The following ENTPD4 variants were observed in gnomAD, a reference collection of about 807,000 sequenced individuals.
ENTPD4 encodes ectonucleoside triphosphate diphosphohydrolase 4.
ENTPD4 carries 60 observed loss-of-function variants against 79.1 expected under a neutral mutation model. That is an observed-to-expected ratio of 0.76 (90% confidence interval 0.62 to 0.94). ENTPD4 has a LOEUF of 0.94. ENTPD4 is among the 40% of genes least tolerant of loss of function. The probability of loss-of-function intolerance (pLI) is 0.00; values close to 1 mark genes in which losing one functional copy is unlikely to be tolerated. For missense variants in ENTPD4, 772 were observed against 775.1 expected (o/e 1.00, Z 0.05); for synonymous variants, 276 against 292.0 (o/e 0.95, Z 0.56).
chr8:23,444,203 C>A (rs77027346), intron 5 of ENTPD4, among the ~76,000 whole-genome samples: 2 of 152,136 alleles, frequency 1.3e-5, no homozygotes, highest in African/African-American at 4.8e-5. Flanking sequence ...TCCTTAACTA[C>A]GTAAAATAGA....
intron 9 of ENTPD4, 38 bp from the exon 10 acceptor site, chr8:23,437,296 GAA>G (rs1563223047): frequency 6.7e-7 from 1 of 1,494,862 alleles, no homozygotes; most frequent in East Asian, 2.3e-5. Flanking sequence ...GAGTCCTACA[GAA>G]AACTGTGTTT....
intron 4 of ENTPD4, 71 bp downstream of exon 4, chr8:23,447,609 C>A: frequency 8.1e-7 from 1 of 1,227,080 alleles, no homozygotes; most frequent in Non-Finnish European, 1.2e-6. Flanking sequence ...AGAAAGGGAA[C>A]GATATGAAAG....
intron 6 of ENTPD4, among the ~76,000 whole-genome samples, chr8:23,443,307 T>A (rs971581870): frequency 3.3e-5 from 5 of 152,246 alleles, no homozygotes; most frequent in African/African-American, 1.2e-4. Flanking sequence ...TGTGTAAATT[T>A]CACCCCATTT....
Position 23,432,979 on chromosome 8 carries a change from C to A in ENTPD4, c.1798G>T (p.Ala600Ser). 2 of 1,612,986 alleles carry A rather than the reference C, an allele frequency of 1.2e-6. No individual in the cohort carries two copies. Among genetic ancestry groups the A allele is most frequent in the Non-Finnish European group, 1.7e-6 (2 of 1,179,520 alleles). Residue 600 changes from alanine to serine, a missense_variant, in exon 13 of 13, where the codon GCC (alanine) becomes TCC (serine). Physicochemically the swap from Ala to Ser is moderately conservative, Grantham distance 99 (BLOSUM62 1). Coordinates refer to ENST00000358689, the MANE Select transcript of ENTPD4 (RefSeq NM_004901.5). ...GGAAGGCCCTCCTCCATCCAGAGGG[C>A]GGCGGCCGAGCTGCTCCGGGGAGTG... ...RRTPRSSSAA[A>S]LWMEEGLPAQ...
intron 1 of ENTPD4, among the ~76,000 whole-genome samples, chr8:23,455,596 T>A (rs968679166): frequency 1.3e-5 from 2 of 152,244 alleles, no homozygotes; most frequent in African/African-American, 4.8e-5. Flanking sequence ...TATTTTTCAA[T>A]ATAAAATCTT....
Position 23,432,728 on chromosome 8 carries a change from G to A in ENTPD4, c.*198C>T. ...TTAGCCAGGATGGTCTCGATCTCCT[G>A]ACCTCATGATCCGCCCGCCTCGGCC... On this transcript the variant is annotated 3_prime_UTR_variant, in exon 13 of 13. Coordinates refer to ENST00000358689, the MANE Select transcript of ENTPD4 (RefSeq NM_004901.5). The A allele has an allele frequency of 8.3e-7, 1 of 1,211,362 alleles. No individual in the cohort carries two copies. The highest frequency in any genetic ancestry group is 1.1e-6 in the Non-Finnish European group (1 of 908,950). 75.0% of individuals were successfully genotyped at this position (1,211,362 alleles called of 1,614,324 possible). A position where few individuals can be genotyped will look rare whatever the true frequency, so the allele number is the denominator to read the frequency against.
intron 2 of ENTPD4, 75 bp downstream of exon 2, chr8:23,449,818 G>T: frequency 1.5e-6 from 2 of 1,326,172 alleles, no homozygotes; most frequent in Non-Finnish European, 2.2e-6. Flanking sequence ...TTGCGATTTA[G>T]ATTTTTTTTC....
rs930731252 is a variant in ENTPD4 at position 23,431,513 on chromosome 8, T to C, written c.*1413A>G. The C allele has an allele frequency of 6.1e-6, 6 of 985,344 alleles. No homozygotes were observed. The African/African-American group carries it at 1.0e-4, about 17-fold the overall frequency. The allele number at this position is 985,344 out of a possible 1,614,324, so 61.0% of individuals were successfully genotyped here. The stretch of plus-strand genomic sequence containing the variant: ...CCTTTTTAGATTTTGGCTTAAATTG[T>C]CGAATTTTTTCCTTCAAAATGTGAA... On this transcript the variant is annotated 3_prime_UTR_variant, in exon 13 of 13. Transcript: ENST00000358689.
Position 23,444,583 on chromosome 8 carries a change from G to A in ENTPD4, c.436C>T (p.Pro146Ser), listed in dbSNP as rs1475166623. Residue 146 changes from proline (P) to serine (S), a missense_variant, in exon 5 of 13, where the codon CCA (proline) becomes TCA (serine). Transcript: ENST00000358689. ...GAAATGTAATCACTGACTTTCTCTG[G>A]AGAGGTAGCAAATTCTGAAATGCCT... is the stretch of plus-strand genomic sequence containing the variant. ...KPGISEFATS[P>S]EKVSDYISPL... The A allele has an allele frequency of 1.2e-6, 2 of 1,614,172 alleles. No homozygotes were observed. Among genetic ancestry groups the A allele is most frequent in the Non-Finnish European group, 1.7e-6 (2 of 1,179,998 alleles).
At chr8:23,451,255 G>A (rs1039645619) in intron 1 of ENTPD4, among the ~76,000 whole-genome samples, 11 of 151,894 alleles carry the variant, frequency 7.2e-5, no homozygotes, top group Admixed American at 2.6e-4. Flanking sequence ...CCCCTGACCC[G>A]GTGATCTGCC....
chr8:23,440,557 A>C (rs1800650722), intron 8 of ENTPD4, among the ~76,000 whole-genome samples: 1 of 152,174 alleles, frequency 6.6e-6, no homozygotes, highest in Non-Finnish European at 1.5e-5. Flanking sequence ...AGAGGGAAAA[A>C]CATGATTTTT....
At chr8:23,456,513 T>C (rs1214418522) in intron 1 of ENTPD4, among the ~76,000 whole-genome samples, 2 of 152,234 alleles carry the variant, frequency 1.3e-5, no homozygotes, top group African/African-American at 4.8e-5. Flanking sequence ...GTCTCCTTCC[T>C]AGACTATATC....
intron 12 of ENTPD4, among the ~76,000 whole-genome samples, chr8:23,433,774 T>C (rs1460728715): frequency 1.3e-5 from 2 of 152,234 alleles, no homozygotes; most frequent in Non-Finnish European, 2.9e-5. Flanking sequence ...TCATGTCCCA[T>C]TATGGTATCA....
rs574404418 is a variant in ENTPD4, at chr8:23,432,981, G to A, written c.1796C>T (p.Ala599Val). 1.9e-6 allele frequency: 3 copies of A among 1,613,462 alleles called. No individual in the cohort carries two copies. The highest frequency in any genetic ancestry group is 3.3e-5 in the Admixed American group (2 of 59,984). Residue 599 changes from alanine to valine, a missense_variant, in exon 13 of 13, where the codon GCC becomes GTC. By Grantham distance (64) the Ala-to-Val change is moderately conservative. Coordinates refer to ENST00000358689, the MANE Select transcript of ENTPD4 (RefSeq NM_004901.5). ...HRRTPRSSSA[A>V]ALWMEEGLPA... Reference sequence around the variant, plus strand: ...AAGGCCCTCCTCCATCCAGAGGGCGGCGGCCGAGCTGCTCCGGGGAGTGCG... The same window carrying A: ...AAGGCCCTCCTCCATCCAGAGGGCGACGGCCGAGCTGCTCCGGGGAGTGCG...
chr8:23,438,907 T>C (rs1334202561), intron 9 of ENTPD4, among the ~76,000 whole-genome samples: 1 of 152,160 alleles, frequency 6.6e-6, no homozygotes, highest in Non-Finnish European at 1.5e-5. Flanking sequence ...CCTTCACAGG[T>C]TTATTAAGAT....
At position 23,448,794 on chromosome 8, in the gene ENTPD4, C is replaced by A. The variant is rs759464953; in HGVS notation, c.154G>T (p.Val52Phe). 1 of 1,613,900 alleles carries A rather than the reference C, an allele frequency of 6.2e-7. No homozygotes were observed. The highest frequency in any genetic ancestry group is 1.3e-5 in the African/African-American group (1 of 74,866). The change falls in exon 3 of 13, where the codon GTC (valine) becomes TTC (phenylalanine). Residue 52 changes from valine to phenylalanine, a missense_variant. Physicochemically the swap from Val to Phe is conservative, Grantham distance 50 (BLOSUM62 -1). Coordinates refer to ENST00000358689, the MANE Select transcript of ENTPD4 (RefSeq NM_004901.5). ...CGCCCATACTTATTTCGGATTATGA[C>A]AACAGAAAAATATAAAAGTGAAACA... ...AAVSLLYFSV[V>F]IIRNKYGRLT...
chr8:23,432,854 G>A lies in ENTPD4; in HGVS notation c.*72C>T, dbSNP rs1432978565. ...AGGGAAAGAAAAAACAAAACCACAG[G>A]AAAATAAAGAGGAGAAACCCTGAGG... On this transcript the variant is annotated 3_prime_UTR_variant, in exon 13 of 13. Transcript: ENST00000358689. 3 of 1,466,906 alleles carry A rather than the reference G, an allele frequency of 2.0e-6. No individual in the cohort carries two copies. The highest frequency in any genetic ancestry group is 2.7e-6 in the Non-Finnish European group (3 of 1,107,648). The allele number at this position is 1,466,906 out of a possible 1,614,324, so 90.9% of individuals were successfully genotyped here.
At chr8:23,441,191 G>T (rs1800662215) in intron 8 of ENTPD4, among the ~76,000 whole-genome samples, 1 of 152,004 alleles carries the variant, frequency 6.6e-6, no homozygotes. Context: ...GAAGCTCAAA[G>T]TCTGAACCAT....
chr8:23,457,567 G>C lies in ENTPD4; in HGVS notation c.-108C>G, dbSNP rs973690568. 1.3e-5 allele frequency: 2 copies of C among 151,922 alleles called. No individual in the cohort carries two copies. The highest frequency in any genetic ancestry group is 4.8e-5 in the African/African-American group (2 of 41,494). 9.4% of individuals were successfully genotyped at this position (151,922 alleles called of 1,614,324 possible). ...GGAAGGCAACCTCACCTGCTTGGCC[G>C]GCCGGGGACCCCGGGAGCGGGGGAC... On this transcript the variant is annotated 5_prime_UTR_variant, in exon 1 of 13. Coordinates refer to ENST00000358689, the MANE Select transcript of ENTPD4 (RefSeq NM_004901.5).
Sources: allele counts gnomAD v4.1 joint callset (sites outside exome capture counted in the v4.1 genomes callset), GRCh38; gene constraint gnomAD v4.1.1; transcripts MANE v1.5; gene names NCBI Gene and HGNC (gene_info 2026-07-23, HGNC 2026-07-21).